The following MTAP variants were observed in gnomAD, a reference collection of about 807,000 sequenced individuals.
The protein encoded by MTAP is methylthioadenosine phosphorylase, also known as S-methyl-5'-thioadenosine phosphorylase.
A neutral mutation model predicts 33.6 loss-of-function variants in MTAP; 33 were observed. The observed-to-expected ratio is 0.98, with a 90% CI of 0.74 to 1.31. The LOEUF (loss-of-function observed/expected upper bound fraction) is 1.31. Ranked by LOEUF, MTAP falls within the 40% of genes most tolerant of loss-of-function variation. The pLI is 0.00. For missense variants in MTAP, 367 were observed against 360.0 expected (o/e 1.02, Z -0.16); for synonymous variants, 148 against 125.7 (o/e 1.18, Z -1.19).
At chr9:21,879,329 T>G (rs1303816329) in intron 1 of MTAP, among the ~76,000 whole-genome samples, 6 of 152,164 alleles carry the variant, frequency 3.9e-5, no homozygotes, top group Non-Finnish European at 7.3e-5. Context: ...TTTTTCTATC[T>G]TTATTGGTTT....
At chr9:21,913,991 A>C (rs1196470317) in intron 1 of MTAP, among the ~76,000 whole-genome samples, 5 of 152,264 alleles carry the variant, frequency 3.3e-5, no homozygotes, top group Non-Finnish European at 5.9e-5. Context: ...GACACTTCTC[A>C]AAAGAAGACA....
At position 21,845,856 on chromosome 9, in the gene MTAP, A is replaced by G. The variant is rs924716672; in HGVS notation, c.450+7846A>G. Among the ~76,000 whole-genome samples, 4 of 152,276 alleles carry G rather than the reference A, an allele frequency of 2.6e-5. No homozygotes were observed. The South Asian group carries it at 8.3e-4, about 32-fold the overall frequency. On this transcript the variant is annotated intron_variant, in intron 5 of 7. Transcript: ENST00000644715. ...ATCTGGAGGTATCACATTACCTGAC[A>G]TCAAACTATACTACAAGGCTATAGT...
At position 21,862,268 on chromosome 9, in the gene MTAP, A is replaced by T. The variant is rs897835622; in HGVS notation, c.*254A>T. The T allele has an allele frequency of 2.3e-6, 2 of 884,340 alleles. No homozygotes were observed. The highest frequency in any genetic ancestry group is 3.0e-6 in the Non-Finnish European group (2 of 669,494). The allele number at this position is 884,340 out of a possible 1,614,324, so 54.8% of individuals were successfully genotyped here. On this transcript the variant is annotated 3_prime_UTR_variant, in exon 8 of 8. Coordinates refer to ENST00000644715, the MANE Select transcript of MTAP (RefSeq NM_002451.4). ...AAATATTACATTTTAAGGGGGAAAA[A>T]AAAACCCACCATTCTCTTCTCCCCC... is the stretch of plus-strand genomic sequence containing the variant.
At chr9:21,919,569 C>G (rs1009448916) in intron 1 of MTAP, among the ~76,000 whole-genome samples, 3 of 152,118 alleles carry the variant, frequency 2.0e-5, no homozygotes, top group African/African-American at 7.2e-5. Context: ...TTGGTTTTGC[C>G]ATGTATAAAA....
At chr9:21,829,174 T>C (rs1262257416) in intron 4 of MTAP, among the ~76,000 whole-genome samples, 1 of 152,166 alleles carries the variant, frequency 6.6e-6, no homozygotes, top group Admixed American at 6.5e-5. Flanking sequence ...GCTGTGCCAT[T>C]TTTAGCCTGG....
intron 1 of MTAP, among the ~76,000 whole-genome samples, chr9:21,805,882 G>C (rs1824195137): frequency 6.6e-6 from 1 of 152,156 alleles, no homozygotes; most frequent in Admixed American, 6.5e-5. Context: ...AGTGAAAATA[G>C]GGATAAAGGG....
Position 21,826,445 on chromosome 9 carries a change from C to T in MTAP, c.347+8243C>T, listed in dbSNP as rs554684667. 2.7e-4 allele frequency among the ~76,000 whole-genome samples: 41 copies of T among 151,618 alleles called. No individual in the cohort carries two copies. The South Asian group carries it at 7.5e-3, about 28-fold the overall frequency. On this transcript the variant is annotated intron_variant, in intron 4 of 7. Transcript: ENST00000644715. ...AGTGTCATTTAGTGTCTTCTCCCGG[C>T]CCCTGTGTTTGCTATAAACTGGATT...
At chr9:21,873,616 C>A (rs1013437812) in intron 1 of MTAP, among the ~76,000 whole-genome samples, 12 of 99,122 alleles carry the variant, frequency 1.2e-4, no homozygotes, top group Non-Finnish European at 1.8e-4. Flanking sequence ...CCCCGCCCCC[C>A]ACCCCAAGAA....
At chr9:21,843,581 A>T (rs981014131) in intron 5 of MTAP, among the ~76,000 whole-genome samples, 3 of 152,224 alleles carry the variant, frequency 2.0e-5, no homozygotes, top group Admixed American at 6.5e-5. Flanking sequence ...ATTGGAAATT[A>T]ACTCCAAGAA....
rs141113485 is a variant in MTAP at position 21,882,646 on chromosome 9, C to T, written c.147+27776C>T. Among the ~76,000 whole-genome samples the T allele has an allele frequency of 8.5e-3, 1,297 of 151,946 alleles. 9 individuals carry two copies. Among genetic ancestry groups the T allele is most frequent in the African/African-American group, 0.03 (1,240 of 41,498 alleles). ...TAATTATCAAACTTGATTAAGTAAACGTTTTATATGCAATAATCAGAAAAT... is the reference window on the plus strand; with the variant it reads ...TAATTATCAAACTTGATTAAGTAAATGTTTTATATGCAATAATCAGAAAAT... On this transcript the variant is annotated intron_variant, in intron 1 of 1. Coordinates refer to the MTAP transcript ENST00000577563.
intron 1 of MTAP, among the ~76,000 whole-genome samples, chr9:21,873,614 C>CG (rs1161434932): frequency 2.8e-4 from 29 of 104,452 alleles, no homozygotes; most frequent in African/African-American, 1.1e-3. Context: ...ACCCCCGCCC[C>CG]CCACCCCAAG....
In MTAP at chr9:21,802,696, G is replaced by C; in HGVS notation, c.-53G>C. The C allele has an allele frequency of 1.9e-6, 3 of 1,585,090 alleles. No homozygotes were observed. Among genetic ancestry groups the C allele is most frequent in the African/African-American group, 1.3e-5 (1 of 74,124 alleles). On this transcript the variant is annotated 5_prime_UTR_variant, in exon 1 of 8. Coordinates refer to ENST00000644715, the MANE Select transcript of MTAP (RefSeq NM_002451.4). ...ACAGCCACCGCTCTGTGGCTCGCTT[G>C]GTTCCCTTAGTCCCGAGCGCTCGCC...
chr9:21,915,510 A>C (rs1288450757), intron 1 of MTAP, among the ~76,000 whole-genome samples: 1 of 152,080 alleles, frequency 6.6e-6, no homozygotes, highest in Non-Finnish European at 1.5e-5. Context: ...TTCTGTTATA[A>C]ACCTTCTTGT....
chr9:21,825,692 T>A (rs767378640), intron 4 of MTAP, among the ~76,000 whole-genome samples: 22 of 152,122 alleles, frequency 1.4e-4, no homozygotes, highest in Non-Finnish European at 2.9e-4. Flanking sequence ...AAAACAAAAA[T>A]TAGCCATGTG....
chr9:21,921,025 A>G (rs1039041555), intron 1 of MTAP, among the ~76,000 whole-genome samples: 2 of 152,178 alleles, frequency 1.3e-5, no homozygotes, highest in African/African-American at 2.4e-5. Flanking sequence ...TGATGCAATC[A>G]GGTCCTAGGC....
intron 1 of MTAP, among the ~76,000 whole-genome samples, chr9:21,810,801 T>C (rs1824326854): frequency 6.6e-6 from 1 of 152,162 alleles, no homozygotes; most frequent in Non-Finnish European, 1.5e-5. Context: ...ATTCCATCCA[T>C]AACCATTACC....
chr9:21,853,193 A>G (rs920073584), intron 5 of MTAP, among the ~76,000 whole-genome samples: 3 of 152,142 alleles, frequency 2.0e-5, no homozygotes, highest in Non-Finnish European at 4.4e-5. Context: ...ATTCATCTCT[A>G]GAAGCACTGT....
chr9:21,885,752 C>T (rs945030375), intron 1 of MTAP, among the ~76,000 whole-genome samples: 3 of 149,664 alleles, frequency 2.0e-5, no homozygotes, highest in Admixed American at 1.3e-4. Context: ...TTATTTCATT[C>T]CTTTTTATAG....
chr9:21,936,129 T>C (rs1819038820), downstream of MTAP: 1 of 152,244 alleles, frequency 6.6e-6, no homozygotes, highest in Admixed American at 6.5e-5. Context: ...TCTCCAGTGA[T>C]GAGTTTGTCC....
Sources: gnomAD v4.1 joint callset for allele counts (sites outside exome capture counted in the v4.1 genomes callset) on GRCh38, gnomAD v4.1.1 for gene constraint, MANE v1.5 for transcripts, NCBI Gene and HGNC (gene_info 2026-07-23, HGNC 2026-07-21) for gene names.